Variants in EDIL3 observed in about 807,000 individuals in gnomAD.
EDIL3 encodes EGF-like repeat and discoidin I-like domain-containing protein 3.
Under a neutral mutation model 67.4 loss-of-function variants are expected in EDIL3, and 37 were observed. The observed-to-expected ratio is 0.55, with a 90% confidence interval of 0.42 to 0.72. The LOEUF is 0.72. Ranked by LOEUF, EDIL3 falls within the 30% of genes least tolerant of loss-of-function variation. The pLI, the probability that EDIL3 is intolerant of heterozygous loss-of-function variation, is 0.00. For synonymous variants in EDIL3, 195 were observed against 196.3 expected, an observed-to-expected ratio of 0.99 and a Z score of 0.05; for missense variants, 527 against 586.3, an observed-to-expected ratio of 0.90 and a Z score of 1.04.
chr5:84,123,233 A>C (rs1490290943), intron 5 of EDIL3, among the ~76,000 whole-genome samples: 6 of 152,006 alleles, frequency 3.9e-5, no homozygotes, highest in Non-Finnish European at 7.4e-5. Context: ...TTATGACATT[A>C]GTCTGATTTA....
intron 5 of EDIL3, among the ~76,000 whole-genome samples, chr5:84,132,365 TATATATATTATATATA>T (rs1376538676): frequency 1.0e-4 from 8 of 79,706 alleles, no homozygotes; most frequent in Admixed American, 1.9e-4. Context: ...TAATATATAT[TATATATATTATATATA>T]ATATATTTTA....
intron 9 of EDIL3, among the ~76,000 whole-genome samples, chr5:83,974,966 T>C (rs547575738): frequency 8.3e-4 from 126 of 152,054 alleles, no homozygotes; most frequent in Middle Eastern, 3.4e-3. Context: ...TAATAAATGG[T>C]AAAGTATAGA....
chr5:84,235,260 C>G (rs1180706305), intron 2 of EDIL3, among the ~76,000 whole-genome samples: 1 of 152,062 alleles, frequency 6.6e-6, no homozygotes, highest in Non-Finnish European at 1.5e-5. Flanking sequence ...TTCCTCTGGC[C>G]AAATATTTCA....
At chr5:84,116,356 T>C (rs1747665565) in intron 5 of EDIL3, among the ~76,000 whole-genome samples, 3 of 152,178 alleles carry the variant, frequency 2.0e-5, no homozygotes, top group Non-Finnish European at 2.9e-5. Flanking sequence ...GATTTGTTCA[T>C]TTGAATTCTA....
intron 5 of EDIL3, among the ~76,000 whole-genome samples, chr5:84,130,044 C>A (rs927873726): frequency 6.6e-6 from 1 of 152,120 alleles, no homozygotes; most frequent in African/African-American, 2.4e-5. Flanking sequence ...CTCAAAGGAT[C>A]TATTTATTCA....
At chr5:84,237,425 G>C (rs1744702947) in intron 2 of EDIL3, among the ~76,000 whole-genome samples, 2 of 152,020 alleles carry the variant, frequency 1.3e-5, no homozygotes, top group East Asian at 3.9e-4. Flanking sequence ...AATGGGTTAA[G>C]GTTTGCATTA....
chr5:84,343,826 CAGA>C (rs1747177792), intron 1 of EDIL3, among the ~76,000 whole-genome samples: 1 of 152,020 alleles, frequency 6.6e-6, no homozygotes, highest in African/African-American at 2.4e-5. Context: ...TTCTCTGCTA[CAGA>C]AGAAGTTGTA....
intron 6 of EDIL3, among the ~76,000 whole-genome samples, chr5:84,088,845 T>C (rs934275655): frequency 8.5e-5 from 13 of 152,214 alleles, no homozygotes; most frequent in Admixed American, 6.5e-4. Flanking sequence ...TATATCAGTT[T>C]TGGGAAAACA....
intron 1 of EDIL3, among the ~76,000 whole-genome samples, chr5:84,327,547 ATG>A (rs904660602): frequency 6.6e-6 from 1 of 151,978 alleles, no homozygotes; most frequent in Non-Finnish European, 1.5e-5. Context: ...CCTTTTTATA[ATG>A]TCTTATTTCT....
At chr5:84,075,851 C>A (rs1281569843) in intron 6 of EDIL3, among the ~76,000 whole-genome samples, 7 of 150,808 alleles carry the variant, frequency 4.6e-5, no homozygotes, top group Non-Finnish European at 8.9e-5. Context: ...TACAAATTAT[C>A]AAAAGCCCCA....
chr5:84,307,237 G>T (rs1385482765), intron 1 of EDIL3, among the ~76,000 whole-genome samples: 1 of 152,184 alleles, frequency 6.6e-6, no homozygotes, highest in Non-Finnish European at 1.5e-5. Context: ...CGCATCTTAA[G>T]TTAAATGAAG....
chr5:84,367,948 T>G (rs1580105633), intron 1 of EDIL3, among the ~76,000 whole-genome samples: 3 of 152,326 alleles, frequency 2.0e-5, no homozygotes, highest in East Asian at 3.9e-4. Flanking sequence ...TTTAATAAAA[T>G]GTTGTTGAAT....
chr5:84,116,536 CTG>C (rs1265717591), intron 5 of EDIL3, among the ~76,000 whole-genome samples: 2 of 152,210 alleles, frequency 1.3e-5, no homozygotes, highest in South Asian at 2.1e-4. Flanking sequence ...CTCAGCTGTG[CTG>C]TGTTTCATCT....
intron 1 of EDIL3, among the ~76,000 whole-genome samples, chr5:84,259,536 A>C (rs1745186487): frequency 6.6e-6 from 1 of 152,194 alleles, no homozygotes; most frequent in Admixed American, 6.5e-5. Context: ...AATTAAGCTC[A>C]TGCCGATTTG....
intron 9 of EDIL3, among the ~76,000 whole-genome samples, chr5:84,041,552 A>ATG (rs1217034972): frequency 1.4e-5 from 2 of 147,614 alleles, no homozygotes; most frequent in African/African-American, 4.9e-5. Flanking sequence ...GTGTGCATAT[A>ATG]TATATACATA....
chr5:84,194,431 G>A (rs191939011), intron 3 of EDIL3, among the ~76,000 whole-genome samples: 229 of 151,954 alleles, frequency 1.5e-3, no homozygotes, highest in African/African-American at 5.3e-3. Context: ...GATAAACAAT[G>A]TGTGGAAGAA....
intron 1 of EDIL3, 143 bp downstream of exon 1, chr5:84,384,165 A>G: frequency 5.0e-6 from 5 of 999,346 alleles, no homozygotes; most frequent in Non-Finnish European, 7.4e-6. Flanking sequence ...CGGGGCACCC[A>G]GGACTCGACG....
chr5:84,207,228 C>G (rs1580376971), intron 3 of EDIL3, among the ~76,000 whole-genome samples: 1 of 152,278 alleles, frequency 6.6e-6, no homozygotes, highest in South Asian at 2.1e-4. Flanking sequence ...GTACAAAAAT[C>G]ACAAGCATTC....
chr5:84,004,366 C>T (rs1745379133), intron 9 of EDIL3, among the ~76,000 whole-genome samples: 1 of 151,918 alleles, frequency 6.6e-6, no homozygotes, highest in Admixed American at 6.6e-5. Context: ...GAGAATAGAA[C>T]ATACATTCTT....
Sources: allele counts gnomAD v4.1 joint callset (sites outside exome capture counted in the v4.1 genomes callset), GRCh38; gene constraint gnomAD v4.1.1; transcripts MANE v1.5; gene names NCBI Gene and HGNC (gene_info 2026-07-23, HGNC 2026-07-21).